The following AGBL4 variants were observed in gnomAD, a reference collection of about 807,000 sequenced individuals.
AGBL4 encodes cytosolic carboxypeptidase 6.
A neutral mutation model predicts 66.4 loss-of-function variants in AGBL4; 58 were observed. The observed-to-expected ratio is 0.87, with a 90% CI of 0.71 to 1.09. The LOEUF (loss-of-function observed/expected upper bound fraction) is 1.09, where lower values mean the gene tolerates loss of function less well. Among genes scored for constraint, AGBL4 ranks in the 50% least tolerant of loss-of-function variants. AGBL4 has a pLI of 0.00. For missense variants in AGBL4, 579 were observed against 631.0 expected (o/e 0.92, Z 0.88); for synonymous variants, 234 against 222.9 (o/e 1.05, Z -0.44).
chr1:49,821,555 T>G (rs937875688), intron 2 of AGBL4, among the ~76,000 whole-genome samples: 2 of 152,230 alleles, frequency 1.3e-5, no homozygotes, highest in African/African-American at 4.8e-5. Context: ...AGCATTGTAC[T>G]GAGCTACTGC....
intron 4 of AGBL4, among the ~76,000 whole-genome samples, chr1:49,147,673 G>A (rs567152532): frequency 2.6e-5 from 4 of 152,180 alleles, no homozygotes; most frequent in African/African-American, 7.2e-5. Context: ...TGCTTCACAC[G>A]CATGCTTGTT....
chr1:48,748,437 G>C (rs1254981295), intron 6 of AGBL4, among the ~76,000 whole-genome samples: 7 of 152,234 alleles, frequency 4.6e-5, no homozygotes, highest in African/African-American at 1.7e-4. Flanking sequence ...GCAGTGGAAA[G>C]AGACAGGCAG....
At chr1:49,040,290 G>A (rs757409870) in intron 5 of AGBL4, among the ~76,000 whole-genome samples, 1 of 151,938 alleles carries the variant, frequency 6.6e-6, no homozygotes, top group African/African-American at 2.4e-5. Context: ...CCCACTAAAA[G>A]GCTATAATAA....
At chr1:48,727,860 C>T (rs745528958) in intron 6 of AGBL4, 20 of 1,588,382 alleles carry the variant, frequency 1.3e-5, no homozygotes, top group East Asian at 4.5e-5. Flanking sequence ...AAGGAAAACA[C>T]GAAAGCTTTA....
At chr1:48,957,013 T>C (rs1326936402) in intron 5 of AGBL4, among the ~76,000 whole-genome samples, 2 of 152,176 alleles carry the variant, frequency 1.3e-5, no homozygotes, top group Non-Finnish European at 2.9e-5. Context: ...CCTAACATTT[T>C]CCCATATACT....
At chr1:49,082,384 A>C (rs1192756837) in intron 4 of AGBL4, among the ~76,000 whole-genome samples, 1 of 152,194 alleles carries the variant, frequency 6.6e-6, no homozygotes, top group Non-Finnish European at 1.5e-5. Context: ...CTTATAAAAG[A>C]AAGAGGTTTA....
At chr1:48,724,516 G>T (rs1460961059) in intron 6 of AGBL4, among the ~76,000 whole-genome samples, 1 of 152,154 alleles carries the variant, frequency 6.6e-6, no homozygotes, top group Non-Finnish European at 1.5e-5. Context: ...TGATAGTTAT[G>T]AATTTTATGG....
chr1:49,945,275 A>C (rs1033986501), intron 1 of AGBL4, among the ~76,000 whole-genome samples: 3 of 152,142 alleles, frequency 2.0e-5, no homozygotes, highest in South Asian at 2.1e-4. Context: ...CAGGTTATCT[A>C]AAGTTAAGAC....
intron 1 of AGBL4, among the ~76,000 whole-genome samples, chr1:49,920,075 C>T (rs1045181276): frequency 5.3e-5 from 8 of 151,724 alleles, no homozygotes; most frequent in Admixed American, 1.3e-4. Context: ...TTACACCTTA[C>T]ACAAAAATTA....
chr1:49,427,163 G>C (rs984946545), intron 3 of AGBL4, among the ~76,000 whole-genome samples: 3 of 152,032 alleles, frequency 2.0e-5, no homozygotes, highest in African/African-American at 7.2e-5. Context: ...AATAGTACTT[G>C]GTACTTGACA....
intron 4 of AGBL4, among the ~76,000 whole-genome samples, chr1:49,147,412 T>TGA (rs375695478): frequency 6.6e-5 from 10 of 151,988 alleles, no homozygotes; most frequent in African/African-American, 2.4e-4. Flanking sequence ...CATGTCAGCT[T>TGA]GAGAGAGAGA....
chr1:49,299,649 T>C (rs1198191503), intron 3 of AGBL4, among the ~76,000 whole-genome samples: 1 of 152,198 alleles, frequency 6.6e-6, no homozygotes, highest in Non-Finnish European at 1.5e-5. Context: ...CCTGTCACAA[T>C]AGCTAGGACT....
At chr1:49,255,866 T>A (rs943897682) in intron 3 of AGBL4, among the ~76,000 whole-genome samples, 2 of 152,154 alleles carry the variant, frequency 1.3e-5, no homozygotes, top group East Asian at 1.9e-4. Context: ...TGCAGGGACA[T>A]GGATGGAGCT....
chr1:50,001,184 G>A (rs961927415), intron 1 of AGBL4, among the ~76,000 whole-genome samples: 5 of 150,502 alleles, frequency 3.3e-5, no homozygotes, highest in Non-Finnish European at 7.4e-5. Flanking sequence ...CACACTAAGT[G>A]TAAAATATTT....
chr1:48,975,612 T>C (rs1315410945), intron 5 of AGBL4, among the ~76,000 whole-genome samples: 1 of 152,120 alleles, frequency 6.6e-6, no homozygotes, highest in African/African-American at 2.4e-5. Flanking sequence ...GAACCAAGTA[T>C]AATCTGACTC....
chr1:48,683,843 T>G (rs1646491333), intron 6 of AGBL4, among the ~76,000 whole-genome samples: 1 of 152,222 alleles, frequency 6.6e-6, no homozygotes, highest in African/African-American at 2.4e-5. Flanking sequence ...CCACACTGAA[T>G]GTAATTACTT....
chr1:49,243,122 T>A (rs1651367572), intron 4 of AGBL4, among the ~76,000 whole-genome samples: 1 of 151,490 alleles, frequency 6.6e-6, no homozygotes, highest in Non-Finnish European at 1.5e-5. Flanking sequence ...AATTTCAGAT[T>A]TTTAGTGTTT....
chr1:49,860,083 AGAAACAAACCTTGTGAATG>A (rs1646531115), intron 1 of AGBL4, among the ~76,000 whole-genome samples: 1 of 152,230 alleles, frequency 6.6e-6, no homozygotes, highest in African/African-American at 2.4e-5. Flanking sequence ...AAATAAAGGG[AGAAACAAACCTTGTGAATG>A]GATTGGAAGG....
At chr1:48,874,557 A>G (rs566459514) in intron 5 of AGBL4, among the ~76,000 whole-genome samples, 1 of 152,312 alleles carries the variant, frequency 6.6e-6, no homozygotes, top group South Asian at 2.1e-4. Context: ...AATCTCCACG[A>G]GTTGTATGTG....
Sources: gnomAD v4.1 joint callset for allele counts (sites outside exome capture counted in the v4.1 genomes callset) on GRCh38, gnomAD v4.1.1 for gene constraint, MANE v1.5 for transcripts, NCBI Gene and HGNC (gene_info 2026-07-23, HGNC 2026-07-21) for gene names.